TMEM225B: variants seen among roughly 807,000 people sequenced by gnomAD.
TMEM225B encodes transmembrane protein 225-like.
TMEM225B carries 10 observed loss-of-function variants against 16.9 expected under a neutral mutation model. The observed-to-expected ratio is 0.59, with a 90% confidence interval of 0.36 to 1.00. TMEM225B has a LOEUF of 1.00. TMEM225B is among the 50% of genes least tolerant of loss of function. The probability of loss-of-function intolerance (pLI) is 0.01; values close to 1 mark genes in which losing one functional copy is unlikely to be tolerated. For synonymous variants in TMEM225B, 92 were observed against 109.8 expected (o/e 0.84, Z 1.01); for missense variants, 217 against 267.0 (o/e 0.81, Z 1.30).
chr7:99,607,631 A>G (rs1267190847), intron 4 of TMEM225B, 42 bp from the exon 5 acceptor site: 9 of 1,509,348 alleles, frequency 6.0e-6, no homozygotes, highest in Non-Finnish European at 7.9e-6. Context: ...GAAGGCGGGT[A>G]GCATGGGAGG....
Position 99,604,536 on chromosome 7 carries a change from T to C in TMEM225B, c.148T>C (p.Phe50Leu), listed in dbSNP as rs1805629444. 3 of 1,536,020 alleles carry C rather than the reference T, an allele frequency of 2.0e-6. No homozygotes were observed. The highest frequency in any genetic ancestry group is 2.7e-5 in the African/African-American group (2 of 73,024). ...AAACGAGGAGTCCCACGAAGTCTTT[T>C]TCAGTGGCCTATTTGAGAACTGCTT... Reference protein sequence around the residue: ...LTNEESHEVFFSGLFENCFNA... With the variant: ...LTNEESHEVFLSGLFENCFNA... The change falls in exon 3 of 6, where the codon TTC (phenylalanine) becomes CTC (leucine). Residue 50 changes from phenylalanine (F) to leucine (L), a missense_variant. Transcript: ENST00000431679.
intron 2 of TMEM225B, 36 bp from the exon 3 acceptor site, chr7:99,604,350 G>A (rs1187475631): frequency 2.2e-5 from 32 of 1,470,286 alleles, no homozygotes; most frequent in Non-Finnish European, 2.7e-5. Context: ...ATTTGGGTCG[G>A]TGTCCCACCT....
intron 1 of TMEM225B, among the ~76,000 whole-genome samples, chr7:99,599,022 C>G (rs1584293801): frequency 6.6e-6 from 1 of 152,124 alleles, no homozygotes; most frequent in Non-Finnish European, 1.5e-5. Flanking sequence ...TGCAGTGGCA[C>G]GATCTCGCCT....
At chr7:99,607,592 C>G in intron 4 of TMEM225B, 81 bp from the exon 5 acceptor site, 2 of 1,399,646 alleles carry the variant, frequency 1.4e-6, no homozygotes, top group Non-Finnish European at 1.9e-6. Context: ...AGCCTCCAGG[C>G]AGGAGCCACA....
chr7:99,600,879 T>C (rs1460407525), intron 2 of TMEM225B, among the ~76,000 whole-genome samples: 1 of 151,136 alleles, frequency 6.6e-6, no homozygotes, highest in Admixed American at 6.6e-5. Context: ...GGTTGGAAGG[T>C]TGGGGAACTT....
At chr7:99,602,491 G>A (rs1317255407) in intron 2 of TMEM225B, among the ~76,000 whole-genome samples, 4 of 152,152 alleles carry the variant, frequency 2.6e-5, no homozygotes, top group Admixed American at 2.6e-4. Context: ...CCTCTCAGTG[G>A]CAGGTGTTGT....
Position 99,610,547 on chromosome 7 carries a change from A to G in TMEM225B, c.648A>G (p.Thr216=). ...CAGTACAAAAGGAGACACAGGTGACAGCAGAAACAGTCATCTAGCCCAGGA... is the reference window on the plus strand; with the variant it reads ...CAGTACAAAAGGAGACACAGGTGACGGCAGAAACAGTCATCTAGCCCAGGA... ...PSSVQKETQV[T]AETVI The change falls in exon 6 of 6, where the codon ACA becomes ACG. Residue 216 remains threonine (T), a synonymous_variant. Coordinates refer to ENST00000431679, the MANE Select transcript of TMEM225B (RefSeq NM_001195541.3). 1 of 1,536,124 alleles carries G rather than the reference A, an allele frequency of 6.5e-7. No individual in the cohort carries two copies. The highest frequency in any genetic ancestry group is 8.7e-7 in the Non-Finnish European group (1 of 1,146,908).
At chr7:99,603,944 G>A (rs1264656671) in intron 2 of TMEM225B, among the ~76,000 whole-genome samples, 4 of 151,844 alleles carry the variant, frequency 2.6e-5, no homozygotes, top group Non-Finnish European at 5.9e-5. Context: ...TGGTAGAGAC[G>A]GGGTTTCGCC....
intron 2 of TMEM225B, among the ~76,000 whole-genome samples, chr7:99,603,418 A>T (rs1584306554): frequency 6.6e-6 from 1 of 152,314 alleles, no homozygotes; most frequent in East Asian, 1.9e-4. Context: ...AGGGCCAGGC[A>T]TGGTGGCTCA....
At chr7:99,609,041 C>A (rs1454595780) in intron 5 of TMEM225B, among the ~76,000 whole-genome samples, 1 of 151,692 alleles carries the variant, frequency 6.6e-6, no homozygotes, top group Non-Finnish European at 1.5e-5. Context: ...GTGGTGCGTG[C>A]CTGTAATCCC....
intron 1 of TMEM225B, among the ~76,000 whole-genome samples, chr7:99,599,031 C>G (rs1327615110): frequency 6.6e-6 from 1 of 152,194 alleles, no homozygotes. Flanking sequence ...ACGATCTCGC[C>G]TCACTGCAAG....
Position 99,604,396 on chromosome 7 carries a change from C to A in TMEM225B, c.8C>A (p.Thr3Lys). The change falls in exon 3 of 6, where the codon ACG (threonine) becomes AAG (lysine). Residue 3 changes from threonine to lysine, a missense_variant. Thr to Lys is a moderately conservative substitution (Grantham distance 78). Coordinates refer to ENST00000431679, the MANE Select transcript of TMEM225B (RefSeq NM_001195541.3). The part of the protein sequence containing the change: ML[T>K]LEDKDMKGFS... ...TTTTCTCTTACACAGGTGATGCTGACGTTAGAGGACAAGGACATGAAGGGA... is the reference window on the plus strand; with the variant it reads ...TTTTCTCTTACACAGGTGATGCTGAAGTTAGAGGACAAGGACATGAAGGGA... 1 of 1,535,574 alleles carries A rather than the reference C, an allele frequency of 6.5e-7. No individual in the cohort carries two copies. Among genetic ancestry groups the A allele is most frequent in the Non-Finnish European group, 8.7e-7 (1 of 1,146,426 alleles).
At chr7:99,602,947 G>A (rs1486755870) in intron 2 of TMEM225B, among the ~76,000 whole-genome samples, 1 of 152,112 alleles carries the variant, frequency 6.6e-6, no homozygotes, top group East Asian at 1.9e-4. Context: ...CAAAACTCCT[G>A]AGTTCATGCG....
At chr7:99,604,670 G>A (rs1805647611) in intron 3 of TMEM225B, 74 bp downstream of exon 3, 1 of 1,223,558 alleles carries the variant, frequency 8.2e-7, no homozygotes, top group South Asian at 1.3e-5. Flanking sequence ...GGGGGTGAAA[G>A]AACAGGGTGG....
intron 5 of TMEM225B, 51 bp from the exon 6 acceptor site, chr7:99,610,342 G>A (rs754388701): frequency 1.6e-5 from 24 of 1,454,982 alleles, no homozygotes; most frequent in African/African-American, 8.4e-5. Context: ...CCTCTAGGGC[G>A]TGGAGCTCTG....
upstream of TMEM225B, chr7:99,598,251 C>CG (rs778174323): frequency 5.9e-5 from 9 of 152,354 alleles, no homozygotes; most frequent in Admixed American, 1.3e-4. Flanking sequence ...AACCCCCCGC[C>CG]GGGGCCTCTG....
At chr7:99,607,350 A>T (rs1023979472) in intron 4 of TMEM225B, among the ~76,000 whole-genome samples, 5 of 152,130 alleles carry the variant, frequency 3.3e-5, no homozygotes, top group Non-Finnish European at 4.4e-5. Context: ...TCCTAGGCAA[A>T]TGGTGGAGGT....
Position 99,610,398 on chromosome 7 carries a change from A to G in TMEM225B, c.499A>G (p.Ile167Val), listed in dbSNP as rs190135145. ...GIFLFIVAGT[I>V]CLIQEMVCPC... is the part of the protein sequence containing the mutation. ...AAACGTTGGCTGTTCCCTAGGTACCATCTGCCTCATTCAAGAAATGGTTTG... is the reference window on the plus strand; with the variant it reads ...AAACGTTGGCTGTTCCCTAGGTACCGTCTGCCTCATTCAAGAAATGGTTTG... Residue 167 changes from isoleucine (I) to valine (V), a missense_variant, in exon 6 of 6, where the codon ATC (isoleucine) becomes GTC (valine). Physicochemically the swap from Ile to Val is conservative, Grantham distance 29 (BLOSUM62 3). Transcript: ENST00000431679. 15 of 1,535,384 alleles carry G rather than the reference A, an allele frequency of 9.8e-6. No homozygotes were observed. The East Asian group carries it at 3.7e-4, about 38-fold the overall frequency.
At chr7:99,607,847 T>G in intron 5 of TMEM225B, 37 bp downstream of exon 5, 2 of 1,528,860 alleles carry the variant, frequency 1.3e-6, no homozygotes, top group Non-Finnish European at 1.7e-6. Flanking sequence ...CTTCTTGTCC[T>G]CGGTCTGGAT....
Sources: gnomAD v4.1 joint callset for allele counts (sites outside exome capture counted in the v4.1 genomes callset) on GRCh38, gnomAD v4.1.1 for gene constraint, MANE v1.5 for transcripts, NCBI Gene and HGNC (gene_info 2026-07-23, HGNC 2026-07-21) for gene names.